Variants in TENM3 observed in about 807,000 individuals in gnomAD.
The protein encoded by TENM3 is teneurin-3.
A neutral mutation model predicts 255.1 loss-of-function variants in TENM3; 63 were observed. The ratio of observed to expected loss-of-function variants is 0.25; its 90% CI spans 0.20 to 0.30. TENM3 has a LOEUF of 0.30. Ranked by LOEUF, TENM3 falls within the 10% of genes least tolerant of loss-of-function variation. The pLI is 1.00. For synonymous variants in TENM3, 1,306 were observed against 1,322.3 expected (o/e 0.99, Z 0.27); for missense variants, 2,929 against 3,461.1 (o/e 0.85, Z 3.86).
chr4:182,518,167 T>C (rs971705343), intron 3 of TENM3, among the ~76,000 whole-genome samples: 4 of 152,144 alleles, frequency 2.6e-5, no homozygotes, highest in South Asian at 2.1e-4. Flanking sequence ...GGGAATCTTA[T>C]TGGAATCAGG....
chr4:181,476,620 A>G, the TENM3 span, among the ~76,000 whole-genome samples: 1 of 152,188 alleles, frequency 6.6e-6, no homozygotes, highest in Non-Finnish European at 1.5e-5. Context: ...TATACATCCC[A>G]TTCAAGAGAG....
At position 182,346,688 on chromosome 4, in the gene TENM3, A is replaced by C; in HGVS notation, c.270A>C (p.Glu90Asp). The C allele has an allele frequency of 6.2e-7, 1 of 1,613,852 alleles. No individual in the cohort carries two copies. The highest frequency in any genetic ancestry group is 8.5e-7 in the Non-Finnish European group (1 of 1,179,860). Residue 90 changes from glutamate to aspartate, a missense_variant, in exon 3 of 28, where the codon GAA (glutamate) becomes GAC (aspartate). Coordinates refer to ENST00000511685, the MANE Select transcript of TENM3 (RefSeq NM_001080477.4). ...CCCTAAGGCAGTTAGGAGTTTGTGAACCAGCAACTCGAAGAGGACTGGCAT... is the reference window on the plus strand; with the variant it reads ...CCCTAAGGCAGTTAGGAGTTTGTGACCCAGCAACTCGAAGAGGACTGGCAT... ...NFTLRQLGVC[E>D]PATRRGLAFC...
At chr4:182,715,216 AT>A (rs1473602956) in intron 13 of TENM3, among the ~76,000 whole-genome samples, 1 of 152,106 alleles carries the variant, frequency 6.6e-6, no homozygotes, top group Non-Finnish European at 1.5e-5. Context: ...TTAGCGCTGC[AT>A]TTTTAGGAGG....
chr4:181,511,489 T>C, the TENM3 span, among the ~76,000 whole-genome samples: 1 of 152,120 alleles, frequency 6.6e-6, no homozygotes, highest in African/African-American at 2.4e-5. Context: ...ACTTCTTCCT[T>C]TCCCTCCCTC....
the TENM3 span, among the ~76,000 whole-genome samples, chr4:181,849,947 T>A: frequency 1.5e-4 from 4 of 26,094 alleles, no homozygotes; most frequent in South Asian, 1.4e-3. Flanking sequence ...TCTCTCTCTC[T>A]CTCACACACA....
chr4:182,510,254 A>G (rs370466369), intron 3 of TENM3, among the ~76,000 whole-genome samples: 22 of 152,320 alleles, frequency 1.4e-4, no homozygotes, highest in South Asian at 1.0e-3. Context: ...TTAGAAAACT[A>G]CAAAAGTATC....
At chr4:182,264,833 AAGTC>A (rs1759133654) in intron 1 of TENM3, among the ~76,000 whole-genome samples, 1 of 152,220 alleles carries the variant, frequency 6.6e-6, no homozygotes, top group East Asian at 1.9e-4. Context: ...CTATGGTTAA[AAGTC>A]AGCTTAATTA....
At chr4:181,985,560 C>T in the TENM3 span, among the ~76,000 whole-genome samples, 1 of 152,126 alleles carries the variant, frequency 6.6e-6, no homozygotes, top group Non-Finnish European at 1.5e-5. Context: ...AGTGCTGAAT[C>T]TGTGCACTGC....
intron 12 of TENM3, among the ~76,000 whole-genome samples, chr4:182,689,230 A>G (rs1005487779): frequency 1.3e-5 from 2 of 152,184 alleles, no homozygotes; most frequent in Non-Finnish European, 2.9e-5. Flanking sequence ...GTATTTCTCC[A>G]CATTGTTTTA....
At chr4:182,716,134 T>G (rs1759144425) in intron 13 of TENM3, among the ~76,000 whole-genome samples, 1 of 152,092 alleles carries the variant, frequency 6.6e-6, no homozygotes, top group African/African-American at 2.4e-5. Flanking sequence ...AACCCCCTAC[T>G]CCAATGTTGC....
intron 3 of TENM3, among the ~76,000 whole-genome samples, chr4:182,516,662 G>A (rs909860802): frequency 4.6e-5 from 7 of 152,110 alleles, no homozygotes; most frequent in African/African-American, 9.7e-5. Flanking sequence ...AGGCTGAGGC[G>A]AGTGGATCAC....
the TENM3 span, among the ~76,000 whole-genome samples, chr4:181,706,880 G>A: frequency 6.6e-6 from 1 of 152,284 alleles, no homozygotes; most frequent in East Asian, 1.9e-4. Flanking sequence ...TTCTTCATTT[G>A]TGGCAATTAC....
At chr4:181,603,142 C>A in the TENM3 span, among the ~76,000 whole-genome samples, 1 of 152,168 alleles carries the variant, frequency 6.6e-6, no homozygotes, top group Non-Finnish European at 1.5e-5. Flanking sequence ...CTCTTAATGA[C>A]AAAATGCCAT....
chr4:181,769,326 C>T, the TENM3 span, among the ~76,000 whole-genome samples: 7 of 152,142 alleles, frequency 4.6e-5, no homozygotes, highest in Admixed American at 2.6e-4. Flanking sequence ...GGAGAGATTG[C>T]TGTGTTTAAA....
chr4:181,736,242 A>G, the TENM3 span, among the ~76,000 whole-genome samples: 2 of 152,168 alleles, frequency 1.3e-5, no homozygotes, highest in African/African-American at 4.8e-5. Context: ...AGATTGCAGT[A>G]AGGCGAGACG....
chr4:182,739,263 G>A (rs1006708742), intron 18 of TENM3, among the ~76,000 whole-genome samples: 46 of 152,196 alleles, frequency 3.0e-4, no homozygotes, highest in African/African-American at 1.1e-3. Flanking sequence ...CAAAAGAGGA[G>A]TATTTGCAAA....
intron 3 of TENM3, among the ~76,000 whole-genome samples, chr4:182,401,493 T>C (rs1173686388): frequency 2.0e-5 from 3 of 152,344 alleles, no homozygotes; most frequent in Non-Finnish European, 1.5e-5. Flanking sequence ...TGACTTTTGA[T>C]ATAAGGCCAA....
chr4:181,645,825 G>A, the TENM3 span, among the ~76,000 whole-genome samples: 1 of 152,212 alleles, frequency 6.6e-6, no homozygotes, highest in Admixed American at 6.5e-5. Flanking sequence ...ACATCTGTGA[G>A]TTTCACATTG....
chr4:182,566,926 A>G (rs538776345), intron 3 of TENM3, among the ~76,000 whole-genome samples: 21 of 152,348 alleles, frequency 1.4e-4, no homozygotes, highest in African/African-American at 4.1e-4. Flanking sequence ...CATATATACA[A>G]ATTTATTGGT....
Sources: allele counts gnomAD v4.1 joint callset (sites outside exome capture counted in the v4.1 genomes callset), GRCh38; gene constraint gnomAD v4.1.1; transcripts MANE v1.5; gene names NCBI Gene and HGNC (gene_info 2026-07-23, HGNC 2026-07-21).